SKAP1: variants seen among roughly 807,000 people sequenced by gnomAD.
The protein encoded by SKAP1 is src kinase-associated phosphoprotein 1.
Under a neutral mutation model 58.5 loss-of-function variants are expected in SKAP1, and 44 were observed. The ratio of observed to expected loss-of-function variants is 0.75; its 90% CI spans 0.59 to 0.97. The LOEUF (loss-of-function observed/expected upper bound fraction) is 0.97, where lower values mean the gene tolerates loss of function less well. SKAP1 is among the 50% of genes least tolerant of loss of function. The pLI is 0.00. For synonymous variants in SKAP1, 127 were observed against 149.7 expected, an observed-to-expected ratio of 0.85 and a Z score of 1.11; for missense variants, 390 against 435.2, an observed-to-expected ratio of 0.90 and a Z score of 0.92.
At chr17:48,403,953 A>G (rs1318124185) in intron 1 of SKAP1, among the ~76,000 whole-genome samples, 2 of 151,696 alleles carry the variant, frequency 1.3e-5, no homozygotes, top group African/African-American at 4.8e-5. Context: ...GCCAGGCATG[A>G]TGGCGGACAC....
intron 4 of SKAP1, among the ~76,000 whole-genome samples, chr17:48,240,813 C>T (rs11868509): frequency 0.23 from 34,305 of 152,092 alleles, 4,133 homozygotes; most frequent in South Asian, 0.33. Flanking sequence ...CGTTCACAAT[C>T]CAGATTACCT....
intron 6 of SKAP1, 33 bp downstream of exon 6, chr17:48,187,810 T>G: frequency 3.4e-4 from 488 of 1,440,502 alleles, no homozygotes; most frequent in Non-Finnish European, 4.3e-4. Context: ...CATCCAGGAG[T>G]GAGATGCTGC....
chr17:48,403,221 T>A (rs2067524620), intron 1 of SKAP1, among the ~76,000 whole-genome samples: 1 of 151,314 alleles, frequency 6.6e-6, no homozygotes, highest in Admixed American at 6.6e-5. Context: ...AAAAAAGTTT[T>A]TAATTAACTG....
the SKAP1 span, among the ~76,000 whole-genome samples, chr17:48,436,077 C>CT: frequency 0.045 from 6,650 of 146,686 alleles, 452 homozygotes; most frequent in African/African-American, 0.15. Context: ...AATGTCTATT[C>CT]TTTTTTTTTT....
chr17:48,256,507 G>A (rs1389560990), intron 4 of SKAP1, among the ~76,000 whole-genome samples: 1 of 152,112 alleles, frequency 6.6e-6, no homozygotes, highest in South Asian at 2.1e-4. Flanking sequence ...GCATCACGGA[G>A]TCACACTGTT....
chr17:48,413,523 A>AAAT lies in SKAP1; in HGVS notation c.46+16551_46+16552insATT. On this transcript the variant is annotated intron_variant, in intron 1 of 12. Coordinates refer to ENST00000336915, the MANE Select transcript of SKAP1 (RefSeq NM_003726.4). ...GAGCAAAACTCCGTCTCAAAAAAAAAATATATATATATATATATATTTGCT... is the reference window on the plus strand; with the variant it reads ...GAGCAAAACTCCGTCTCAAAAAAAAAAATATATATATATATATATATATTTGCT... 1.1e-4 allele frequency among the ~76,000 whole-genome samples: 12 copies of AAAT among 105,508 alleles called. 1 individual carries two copies. Among genetic ancestry groups the AAAT allele is most frequent in the African/African-American group, 4.3e-4 (10 of 23,320 alleles). The allele number at this position is 105,508 out of a possible 152,430, so 69.2% of individuals were successfully genotyped here.
chr17:48,149,574 T>C (rs932404442), intron 11 of SKAP1, among the ~76,000 whole-genome samples: 3 of 152,216 alleles, frequency 2.0e-5, no homozygotes, highest in African/African-American at 7.2e-5. Context: ...CAACCGCTTA[T>C]AGCTTCATTT....
At chr17:48,327,274 A>T (rs2066451314) in intron 4 of SKAP1, among the ~76,000 whole-genome samples, 1 of 152,248 alleles carries the variant, frequency 6.6e-6, no homozygotes, top group African/African-American at 2.4e-5. Flanking sequence ...AACAACTGCT[A>T]TTTATTTTTA....
chr17:48,413,510 G>T, intron 1 of SKAP1, among the ~76,000 whole-genome samples: 1 of 88,030 alleles, frequency 1.1e-5, no homozygotes, highest in African/African-American at 6.4e-5. Context: ...GCAAAACTCC[G>T]TCTCAAAAAA....
the SKAP1 span, among the ~76,000 whole-genome samples, chr17:48,442,265 G>A: frequency 6.6e-6 from 1 of 152,160 alleles, no homozygotes. Context: ...GTGTGGAATA[G>A]GGGAGAAAAG....
At chr17:48,428,210 A>T (rs939503202) in intron 1 of SKAP1, among the ~76,000 whole-genome samples, 1 of 152,216 alleles carries the variant, frequency 6.6e-6, no homozygotes, top group African/African-American at 2.4e-5. Flanking sequence ...GCCTTAAAGA[A>T]ATACATTAAC....
At chr17:48,199,115 A>G (rs1258433313) in intron 4 of SKAP1, among the ~76,000 whole-genome samples, 2 of 152,222 alleles carry the variant, frequency 1.3e-5, no homozygotes, top group Admixed American at 6.5e-5. Context: ...ATAAGAGCAC[A>G]GAGAAAAGGA....
intron 1 of SKAP1, among the ~76,000 whole-genome samples, chr17:48,407,578 G>C (rs1007977268): frequency 2.6e-5 from 4 of 152,290 alleles, no homozygotes; most frequent in Middle Eastern, 3.4e-3. Context: ...GCGGGGAAAG[G>C]CCAGGTGCAG....
intron 4 of SKAP1, among the ~76,000 whole-genome samples, chr17:48,260,729 C>G (rs757765394): frequency 6.6e-6 from 1 of 152,010 alleles, no homozygotes; most frequent in Admixed American, 6.6e-5. Context: ...GGAATCACCA[C>G]GTGAAAAGAA....
intron 4 of SKAP1, among the ~76,000 whole-genome samples, chr17:48,282,740 C>T (rs2065782752): frequency 6.6e-6 from 1 of 151,872 alleles, no homozygotes; most frequent in South Asian, 2.1e-4. Flanking sequence ...TCTCGCTGCA[C>T]TGCTGCTGCC....
intron 4 of SKAP1, among the ~76,000 whole-genome samples, chr17:48,267,614 A>C (rs1460382674): frequency 2.0e-5 from 3 of 152,192 alleles, no homozygotes. Flanking sequence ...TTTTTAAAAG[A>C]GCAAACACAC....
At chr17:48,170,509 T>C in intron 10 of SKAP1, 100 bp downstream of exon 10, 2 of 1,001,478 alleles carry the variant, frequency 2.0e-6, no homozygotes, top group Admixed American at 1.7e-5. Flanking sequence ...CTCTTAATTA[T>C]TGAGTTCAGT....
At chr17:48,305,394 C>A (rs952271812) in intron 4 of SKAP1, among the ~76,000 whole-genome samples, 1 of 152,260 alleles carries the variant, frequency 6.6e-6, no homozygotes, top group South Asian at 2.1e-4. Flanking sequence ...CATCCATCTA[C>A]GTATTGTCTA....
chr17:48,150,487 C>A (rs1322476197), intron 11 of SKAP1, among the ~76,000 whole-genome samples: 1 of 152,174 alleles, frequency 6.6e-6, no homozygotes, highest in East Asian at 1.9e-4. Context: ...CAGCCAACAC[C>A]CTTTCTAGGT....
Sources: allele counts gnomAD v4.1 joint callset (sites outside exome capture counted in the v4.1 genomes callset), GRCh38; gene constraint gnomAD v4.1.1; transcripts MANE v1.5; gene names NCBI Gene and HGNC (gene_info 2026-07-23, HGNC 2026-07-21).